PIEZO2: variants seen among roughly 807,000 people sequenced by gnomAD.
The protein encoded by PIEZO2 is piezo type mechanosensitive ion channel component 2, also known as piezo-type mechanosensitive ion channel component 2.
PIEZO2 carries 172 observed loss-of-function variants against 337.3 expected under a neutral mutation model. The ratio of observed to expected loss-of-function variants is 0.51; its 90% CI spans 0.45 to 0.58. The LOEUF is 0.58. PIEZO2 is among the 20% of genes least tolerant of loss of function. PIEZO2 has a pLI of 0.00. For synonymous variants in PIEZO2, 1,251 were observed against 1,228.5 expected (o/e 1.02, Z -0.38); for missense variants, 3,028 against 3,391.3 (o/e 0.89, Z 2.66).
At position 10,878,783 on chromosome 18, in the gene PIEZO2, A is replaced by G. The variant is rs1434718799; in HGVS notation, c.330-7368T>C. Among the ~76,000 whole-genome samples the G allele has an allele frequency of 1.9e-5, 2 of 105,884 alleles. No individual in the cohort carries two copies. The highest frequency in any genetic ancestry group is 1.7e-5 in the Non-Finnish European group (1 of 58,910). The allele number at this position is 105,884 out of a possible 152,430, so 69.5% of individuals were successfully genotyped here. ...GACCATACAAAGCTTGGATGTTTTG[A>G]AAAAAAAAAAAAATCACATAACCAG... On this transcript the variant is annotated intron_variant, in intron 4 of 55. Coordinates refer to ENST00000674853, the MANE Select transcript of PIEZO2 (RefSeq NM_001378183.1). This position sits in a 1 kb window ranked among gnomAD's most constrained non-coding sequence, Gnocchi z 4.3.
At chr18:10,722,092 A>T (rs62095603) in intron 36 of PIEZO2, among the ~76,000 whole-genome samples, 1 of 150,546 alleles carries the variant, frequency 6.6e-6, no homozygotes, top group Non-Finnish European at 1.5e-5. Flanking sequence ...CGGAGGTTGC[A>T]ATGAGCTGAT....
At chr18:11,040,961 C>T (rs530731916) in intron 2 of PIEZO2, among the ~76,000 whole-genome samples, 9 of 151,998 alleles carry the variant, frequency 5.9e-5, no homozygotes, top group East Asian at 1.9e-4. Context: ...GGGAATGGTC[C>T]GAAAGTCCTT....
chr18:11,030,123 C>T (rs931411433), intron 2 of PIEZO2, among the ~76,000 whole-genome samples: 91 of 152,204 alleles, frequency 6.0e-4, no homozygotes, highest in African/African-American at 2.2e-3. Flanking sequence ...GACAAGCTAC[C>T]ATCCTCATTC....
At position 10,949,670 on chromosome 18, in the gene PIEZO2, T is replaced by C. The variant is rs77832635; in HGVS notation, c.286+29865A>G. Reference sequence around the variant, plus strand: ...ATTGGTTGGAAAATTATTGCATTCATACAAGGCCAGCTTATGCAGAGTATC... The same window carrying C: ...ATTGGTTGGAAAATTATTGCATTCACACAAGGCCAGCTTATGCAGAGTATC... On this transcript the variant is annotated intron_variant, in intron 3 of 55. Coordinates refer to ENST00000674853, the MANE Select transcript of PIEZO2 (RefSeq NM_001378183.1). Among the ~76,000 whole-genome samples, 1,502 of 152,344 alleles carry C rather than the reference T, an allele frequency of 9.9e-3. 20 individuals are homozygous for C. Among genetic ancestry groups the C allele is most frequent in the African/African-American group, 0.033 (1,392 of 41,576 alleles).
chr18:10,813,044 G>A lies in PIEZO2; in HGVS notation c.918-5770C>T, dbSNP rs373292008. Among the ~76,000 whole-genome samples, 47 of 151,660 alleles carry A rather than the reference G, an allele frequency of 3.1e-4. 1 individual carries two copies. The South Asian group carries it at 9.8e-3, about 32-fold the overall frequency. On this transcript the variant is annotated intron_variant, in intron 7 of 55. Coordinates refer to ENST00000674853, the MANE Select transcript of PIEZO2 (RefSeq NM_001378183.1). This position sits in a 1 kb window ranked among gnomAD's most constrained non-coding sequence, Gnocchi z 4.2. ...TGTCACCCGGGCTGGAGTGCATTGGGCCTCTGCTCACTGCAACCTCTGCCT... is the reference window on the plus strand; with the variant it reads ...TGTCACCCGGGCTGGAGTGCATTGGACCTCTGCTCACTGCAACCTCTGCCT...
intron 36 of PIEZO2, among the ~76,000 whole-genome samples, chr18:10,723,781 G>A (rs1039249984): frequency 9.2e-5 from 14 of 152,164 alleles, no homozygotes; most frequent in African/African-American, 3.1e-4. Flanking sequence ...CCCTCAGATA[G>A]GGGACAAGGC....
chr18:10,780,629 CTT>C (rs1767091291), intron 17 of PIEZO2, among the ~76,000 whole-genome samples: 1 of 149,968 alleles, frequency 6.7e-6, no homozygotes, highest in African/African-American at 2.5e-5. Context: ...ATCTCACACA[CTT>C]TATTACAAAT....
chr18:11,074,124 G>A (rs1270879357), intron 1 of PIEZO2, among the ~76,000 whole-genome samples: 1 of 152,172 alleles, frequency 6.6e-6, no homozygotes, highest in Admixed American at 6.5e-5. Flanking sequence ...AGGATTACAG[G>A]CATGAGCCAC....
chr18:10,817,186 G>C (rs762025531), intron 7 of PIEZO2, among the ~76,000 whole-genome samples: 1 of 152,168 alleles, frequency 6.6e-6, no homozygotes, highest in Non-Finnish European at 1.5e-5. Flanking sequence ...TATTTTACCT[G>C]CTATTTAAAT....
chr18:11,106,243 C>T (rs1457899225), intron 1 of PIEZO2, among the ~76,000 whole-genome samples: 21 of 150,978 alleles, frequency 1.4e-4, no homozygotes, highest in African/African-American at 3.9e-4. Flanking sequence ...CCCACCACCA[C>T]GCCCAGCTAA....
rs1262864903 is a variant in PIEZO2 at position 10,854,767 on chromosome 18, G to A, written c.917+586C>T. On this transcript the variant is annotated intron_variant, in intron 7 of 55. Transcript: ENST00000674853. This position sits in a 1 kb window ranked among gnomAD's most constrained non-coding sequence, Gnocchi z 4.6. ...CTCACTCTGTCACCCAGGTGGGAGT[G>A]CAGCGGTGTGATCATGGCTCACCGC... Among the ~76,000 whole-genome samples the A allele has an allele frequency of 1.3e-5, 2 of 152,142 alleles. No homozygotes were observed. The highest frequency in any genetic ancestry group is 4.8e-5 in the African/African-American group (2 of 41,436).
Position 10,814,490 on chromosome 18 carries a change from G to C in PIEZO2, c.918-7216C>G, listed in dbSNP as rs149584340. Among the ~76,000 whole-genome samples the C allele has an allele frequency of 5.3e-4, 81 of 152,248 alleles. No homozygotes were observed. The East Asian group carries it at 0.011, about 21-fold the overall frequency. On this transcript the variant is annotated intron_variant, in intron 7 of 55. Coordinates refer to ENST00000674853, the MANE Select transcript of PIEZO2 (RefSeq NM_001378183.1). ...AATGAATGGAGGAAGAAATGGTAAC[G>C]GGAAGTAGCCACAAAGAGGCAGATG...
chr18:10,749,150 T>TA (rs148784413), intron 29 of PIEZO2, among the ~76,000 whole-genome samples: 175 of 150,246 alleles, frequency 1.2e-3, no homozygotes, highest in African/African-American at 3.8e-3. Flanking sequence ...AATCACATAA[T>TA]AAAAAAAAAA....
intron 3 of PIEZO2, among the ~76,000 whole-genome samples, chr18:10,930,398 C>T (rs1014767682): frequency 1.3e-5 from 2 of 152,218 alleles, no homozygotes; most frequent in African/African-American, 4.8e-5. Context: ...CAACCAATTG[C>T]CAATCAGGAA....
Position 10,929,650 on chromosome 18 carries a change from C to T in PIEZO2, c.287-18422G>A, listed in dbSNP as rs564412089. 3.3e-5 allele frequency among the ~76,000 whole-genome samples: 5 copies of T among 152,290 alleles called. No individual in the cohort carries two copies. In the South Asian group the frequency reaches 6.2e-4, roughly 19 times the overall value. On this transcript the variant is annotated intron_variant, in intron 3 of 55. Transcript: ENST00000674853. This position sits in a 1 kb window ranked among gnomAD's most constrained non-coding sequence, Gnocchi z 5.6. ...GGGTCTCAGGACAGATCCCGCTATC[C>T]TCTCCCATAACTTAGTCTTTTACAG...
chr18:10,820,797 T>C (rs543491239), intron 7 of PIEZO2, among the ~76,000 whole-genome samples: 1 of 152,342 alleles, frequency 6.6e-6, no homozygotes, highest in Non-Finnish European at 1.5e-5. Context: ...ATCAGCTTTA[T>C]CCTAGTAGGC....
chr18:10,709,833 A>G (rs569953865), intron 39 of PIEZO2, among the ~76,000 whole-genome samples: 3 of 152,398 alleles, frequency 2.0e-5, no homozygotes, highest in African/African-American at 7.2e-5. Flanking sequence ...CCTGTGAGCA[A>G]CCAAAATACT....
At chr18:10,967,587 T>A (rs1266828696) in intron 3 of PIEZO2, among the ~76,000 whole-genome samples, 2 of 152,224 alleles carry the variant, frequency 1.3e-5, no homozygotes, top group Non-Finnish European at 2.9e-5. Context: ...ATTGTTTCCT[T>A]TTTAGCACAT....
At chr18:10,946,519 T>C (rs148002400) in intron 3 of PIEZO2, among the ~76,000 whole-genome samples, 30 of 152,198 alleles carry the variant, frequency 2.0e-4, no homozygotes, top group Non-Finnish European at 3.2e-4. Context: ...TGAGATTACA[T>C]CCCCTTTTGA....
Sources: gnomAD v4.1 joint callset for allele counts (sites outside exome capture counted in the v4.1 genomes callset) on GRCh38, gnomAD v4.1.1 for gene constraint, Gnocchi (gnomAD v3.1) non-coding constraint, MANE v1.5 for transcripts, NCBI Gene and HGNC (gene_info 2026-07-23, HGNC 2026-07-21) for gene names.